Variants in TGFB2 observed in about 807,000 individuals in gnomAD.
TGFB2 encodes the protein transforming growth factor beta 2.
Under a neutral mutation model 42.7 loss-of-function variants are expected in TGFB2, and 13 were observed. The ratio of observed to expected loss-of-function variants is 0.30; its 90% CI spans 0.20 to 0.48. The LOEUF (loss-of-function observed/expected upper bound fraction) is 0.48. TGFB2 is among the 20% of genes least tolerant of loss of function. TGFB2 has a pLI of 0.99. For synonymous variants in TGFB2, 193 were observed against 193.6 expected (o/e 1.00, Z 0.03); for missense variants, 390 against 517.5 (o/e 0.75, Z 2.39).
rs1038496271 is a variant in TGFB2, at chr1:218,443,632, G to T, written c.*2270G>T. On this transcript the variant is annotated 3_prime_UTR_variant, in exon 7 of 7. Coordinates refer to ENST00000366930, the MANE Select transcript of TGFB2 (RefSeq NM_003238.6). ...TTCCTCTCAGATAGGATGACATTTTGTTTTGTATTATTTTGTCTTTCCTCA... is the reference window on the plus strand; with the variant it reads ...TTCCTCTCAGATAGGATGACATTTTTTTTTGTATTATTTTGTCTTTCCTCA... 6.7e-6 allele frequency: 1 copy of T among 149,038 alleles called. No homozygotes were observed. Among genetic ancestry groups the T allele is most frequent in the Non-Finnish European group, 1.5e-5 (1 of 67,280 alleles). The allele number at this position is 149,038 out of a possible 1,614,324, so 9.2% of individuals were successfully genotyped here.
chr1:218,386,843 T>C (rs1043250595), intron 1 of TGFB2, among the ~76,000 whole-genome samples: 1 of 152,236 alleles, frequency 6.6e-6, no homozygotes, highest in African/African-American at 2.4e-5. Context: ...GTACTTACTA[T>C]GTTCATATTT....
In TGFB2 at chr1:218,437,494, A is replaced by G; in HGVS notation, c.1084A>G (p.Arg362Gly). ...ATGGAGTTCAGACACTCAGCACAGC[A>G]GGGTGAGTGTTCAGCTTACCTGTTG... Reference protein sequence around the residue: ...YLWSSDTQHSRVLSLYNTINP... With the variant: ...YLWSSDTQHSGVLSLYNTINP... Residue 362 changes from arginine to glycine, a missense_variant and splice_region_variant, in exon 6 of 7, where the codon AGG becomes GGG. Physicochemically the swap from Arg to Gly is moderately radical, Grantham distance 125. Transcript: ENST00000366930. 1 of 1,609,784 alleles carries G rather than the reference A, an allele frequency of 6.2e-7. No individual in the cohort carries two copies. Among genetic ancestry groups the G allele is most frequent in the Non-Finnish European group, 8.5e-7 (1 of 1,178,178 alleles).
At chr1:218,406,623 AC>A (rs1235181901) in intron 2 of TGFB2, among the ~76,000 whole-genome samples, 1 of 152,188 alleles carries the variant, frequency 6.6e-6, no homozygotes, top group African/African-American at 2.4e-5. Context: ...GGGAAATTTC[AC>A]CAGGGAGCTG....
chr1:218,388,577 T>C (rs970216299), intron 1 of TGFB2, among the ~76,000 whole-genome samples: 2 of 152,176 alleles, frequency 1.3e-5, no homozygotes, highest in Non-Finnish European at 2.9e-5. Flanking sequence ...CTTGTCCCTC[T>C]CTGGATCTTA....
intron 1 of TGFB2, among the ~76,000 whole-genome samples, chr1:218,392,147 C>T (rs1273353864): frequency 2.6e-5 from 4 of 152,044 alleles, no homozygotes; most frequent in South Asian, 2.1e-4. Context: ...GTCAAGAGAT[C>T]GAGACCATCC....
intron 2 of TGFB2, among the ~76,000 whole-genome samples, chr1:218,408,196 T>C (rs1658976708): frequency 6.6e-6 from 1 of 152,198 alleles, no homozygotes; most frequent in Non-Finnish European, 1.5e-5. Flanking sequence ...GACCCTGTCC[T>C]CTGAGGAGTA....
chr1:218,402,152 G>A (rs1244111965), intron 1 of TGFB2, among the ~76,000 whole-genome samples: 1 of 152,204 alleles, frequency 6.6e-6, no homozygotes, highest in African/African-American at 2.4e-5. Flanking sequence ...CGGCCTGGTC[G>A]CTTCACCATG....
intron 1 of TGFB2, among the ~76,000 whole-genome samples, chr1:218,396,731 G>C (rs903417209): frequency 2.0e-5 from 3 of 152,052 alleles, no homozygotes; most frequent in Non-Finnish European, 4.4e-5. Context: ...GATCCTGGCT[G>C]TACATTTAAA....
chr1:218,430,835 G>A (rs1484038558), intron 2 of TGFB2, among the ~76,000 whole-genome samples: 1 of 152,204 alleles, frequency 6.6e-6, no homozygotes, highest in Non-Finnish European at 1.5e-5. Flanking sequence ...CAACCCAAAT[G>A]ATTAAAGGTT....
intron 1 of TGFB2, among the ~76,000 whole-genome samples, chr1:218,385,228 T>C (rs1241163048): frequency 6.6e-6 from 1 of 152,214 alleles, no homozygotes; most frequent in African/African-American, 2.4e-5. Context: ...GATAAGATAA[T>C]GTAAGCAAAT....
chr1:218,370,556 A>G (rs1056703622), intron 1 of TGFB2, among the ~76,000 whole-genome samples: 1 of 152,218 alleles, frequency 6.6e-6, no homozygotes, highest in Non-Finnish European at 1.5e-5. Flanking sequence ...ATAAACATCC[A>G]TGTGATGATA....
chr1:218,377,661 T>C (rs925491272), intron 1 of TGFB2, among the ~76,000 whole-genome samples: 1 of 151,992 alleles, frequency 6.6e-6, no homozygotes, highest in African/African-American at 2.4e-5. Flanking sequence ...CGCCTGCCCC[T>C]ATGTTGTGCC....
At chr1:218,407,103 T>C (rs769517587) in intron 2 of TGFB2, among the ~76,000 whole-genome samples, 1 of 152,210 alleles carries the variant, frequency 6.6e-6, no homozygotes, top group Non-Finnish European at 1.5e-5. Flanking sequence ...TTGTTTTCTT[T>C]TTCTGTTTTT....
At chr1:218,391,257 G>A (rs1470138525) in intron 1 of TGFB2, among the ~76,000 whole-genome samples, 1 of 152,128 alleles carries the variant, frequency 6.6e-6, no homozygotes, top group Non-Finnish European at 1.5e-5. Context: ...TGGCCTACTG[G>A]TCCCCCTTGA....
intron 1 of TGFB2, among the ~76,000 whole-genome samples, chr1:218,379,336 T>C (rs1201553503): frequency 6.6e-6 from 1 of 151,848 alleles, no homozygotes; most frequent in Non-Finnish European, 1.5e-5. Context: ...GGTTTCACCG[T>C]GGTTCGCCAG....
chr1:218,394,618 A>T (rs553928267), intron 1 of TGFB2, among the ~76,000 whole-genome samples: 45 of 152,298 alleles, frequency 3.0e-4, no homozygotes, highest in Admixed American at 1.3e-3. Context: ...GTCAAGTCTG[A>T]TATCATCCCC....
intron 1 of TGFB2, among the ~76,000 whole-genome samples, chr1:218,400,873 G>A (rs1364449285): frequency 6.6e-6 from 1 of 152,082 alleles, no homozygotes; most frequent in African/African-American, 2.4e-5. Flanking sequence ...GGTGAGATTG[G>A]GGACACCAGA....
intron 2 of TGFB2, among the ~76,000 whole-genome samples, chr1:218,421,752 A>T (rs1205876616): frequency 6.6e-6 from 1 of 152,196 alleles, no homozygotes; most frequent in African/African-American, 2.4e-5. Context: ...AGATGAGGTC[A>T]TCCTGCAGGA....
At chr1:218,412,048 T>C (rs1659118851) in intron 2 of TGFB2, among the ~76,000 whole-genome samples, 1 of 152,042 alleles carries the variant, frequency 6.6e-6, no homozygotes, top group African/African-American at 2.4e-5. Flanking sequence ...TAACCCACTG[T>C]GTAAAGTAAA....
Sources: gnomAD v4.1 joint callset for allele counts (sites outside exome capture counted in the v4.1 genomes callset) on GRCh38, gnomAD v4.1.1 for gene constraint, MANE v1.5 for transcripts, NCBI Gene and HGNC (gene_info 2026-07-23, HGNC 2026-07-21) for gene names.